DAPK1: variants seen among roughly 807,000 people sequenced by gnomAD.
The protein encoded by DAPK1 is death associated protein kinase 1.
In DAPK1, 56 loss-of-function variants were observed where a neutral mutation model predicts 144.9. The ratio of observed to expected loss-of-function variants is 0.39; its 90% CI spans 0.31 to 0.48. The LOEUF (loss-of-function observed/expected upper bound fraction) is 0.48, where lower values mean the gene tolerates loss of function less well. Among genes scored for constraint, DAPK1 ranks in the 20% least tolerant of loss-of-function variants. The pLI, the probability that DAPK1 is intolerant of heterozygous loss-of-function variation, is 0.95. For missense variants in DAPK1, 1,454 were observed against 1,875.4 expected (o/e 0.78, Z 4.15); for synonymous variants, 690 against 749.0 (o/e 0.92, Z 1.29).
intron 3 of DAPK1, among the ~76,000 whole-genome samples, chr9:87,618,470 A>T (rs989334121): frequency 1.3e-5 from 2 of 152,088 alleles, no homozygotes; most frequent in Non-Finnish European, 2.9e-5. Context: ...CCACATGAAA[A>T]CTTACACATG....
chr9:87,623,320 T>C (rs1829372166), intron 3 of DAPK1, among the ~76,000 whole-genome samples: 1 of 152,182 alleles, frequency 6.6e-6, no homozygotes, highest in East Asian at 1.9e-4. Context: ...ATCTTCCTTT[T>C]CCACACAGGC....
At chr9:87,645,238 C>A (rs1247269857) in intron 11 of DAPK1, among the ~76,000 whole-genome samples, 1 of 152,288 alleles carries the variant, frequency 6.6e-6, no homozygotes, top group Admixed American at 6.5e-5. Context: ...TTTTTGTTCA[C>A]TACTCTTCCA....
chr9:87,523,012 T>G (rs549975555), intron 2 of DAPK1, among the ~76,000 whole-genome samples: 3 of 152,232 alleles, frequency 2.0e-5, no homozygotes, highest in Non-Finnish European at 2.9e-5. Context: ...TTTGCACATC[T>G]TTTCTCTAGG....
chr9:87,600,385 T>G (rs1490607098), intron 2 of DAPK1, among the ~76,000 whole-genome samples: 1 of 152,096 alleles, frequency 6.6e-6, no homozygotes, highest in Non-Finnish European at 1.5e-5. Flanking sequence ...CCAGGAGTTC[T>G]AGACCAGCCT....
intron 2 of DAPK1, among the ~76,000 whole-genome samples, chr9:87,525,642 G>T (rs909900419): frequency 6.6e-6 from 1 of 152,230 alleles, no homozygotes; most frequent in South Asian, 2.1e-4. Flanking sequence ...TCTTTGGTCA[G>T]AGCAGCCCTG....
intron 2 of DAPK1, chr9:87,554,506 G>T (rs533410246): frequency 6.6e-6 from 1 of 151,942 alleles, no homozygotes; most frequent in Non-Finnish European, 1.5e-5. Context: ...TTTTACCTCC[G>T]GACATAACAG....
chr9:87,702,279 G>GT (rs1825481258), intron 24 of DAPK1, among the ~76,000 whole-genome samples: 1 of 152,284 alleles, frequency 6.6e-6, no homozygotes, highest in South Asian at 2.1e-4. Flanking sequence ...TAATTCAGAG[G>GT]TATGTGGATT....
chr9:87,602,100 G>A (rs1471111632), intron 2 of DAPK1, among the ~76,000 whole-genome samples: 1 of 152,174 alleles, frequency 6.6e-6, no homozygotes, highest in Non-Finnish European at 1.5e-5. Context: ...TCGACTCAGG[G>A]ATATGGCAGA....
chr9:87,550,526 A>G (rs1013113628), intron 2 of DAPK1, among the ~76,000 whole-genome samples: 1 of 152,190 alleles, frequency 6.6e-6, no homozygotes, highest in Admixed American at 6.5e-5. Context: ...CTGCTTTTCT[A>G]TGTCCAAATT....
intron 3 of DAPK1, among the ~76,000 whole-genome samples, chr9:87,619,707 G>A (rs779185523): frequency 3.7e-4 from 56 of 152,278 alleles, no homozygotes; most frequent in Non-Finnish European, 7.8e-4. Context: ...CTCAATAGAA[G>A]GACAGTCGAT....
intron 21 of DAPK1, among the ~76,000 whole-genome samples, chr9:87,687,362 C>T (rs1286089189): frequency 6.6e-6 from 1 of 152,112 alleles, no homozygotes; most frequent in East Asian, 1.9e-4. Flanking sequence ...TTTTTAGCTC[C>T]CACATGTGAA....
intron 3 of DAPK1, among the ~76,000 whole-genome samples, chr9:87,617,518 T>A (rs1021276605): frequency 1.3e-5 from 2 of 152,206 alleles, no homozygotes; most frequent in African/African-American, 4.8e-5. Flanking sequence ...CAATCCATAC[T>A]CACTCCCTTC....
chr9:87,693,692 T>G (rs900995143), intron 21 of DAPK1, among the ~76,000 whole-genome samples: 1 of 152,238 alleles, frequency 6.6e-6, no homozygotes, highest in African/African-American at 2.4e-5. Flanking sequence ...GTCACTTCTT[T>G]GAACTTTTTG....
chr9:87,705,189 C>T (rs2118111544), intron 25 of DAPK1, among the ~76,000 whole-genome samples: 1 of 150,844 alleles, frequency 6.6e-6, no homozygotes, highest in South Asian at 2.1e-4. Context: ...AGGATAGTAC[C>T]ATGAACTCTC....
rs372272513 is a variant in DAPK1, at chr9:87,549,170, T to C, written c.62+50031T>C. 4.0e-3 allele frequency among the ~76,000 whole-genome samples: 603 copies of C among 152,240 alleles called. 11 individuals are homozygous for C. Among genetic ancestry groups the C allele is most frequent in the African/African-American group, 0.014 (573 of 41,534 alleles). ...GTGTTCTCATCACTCAGCTCCCACT[T>C]ACAAGTGAGAACATGCAGTGTTTGG... On this transcript the variant is annotated intron_variant, in intron 2 of 25. Transcript: ENST00000408954.
intron 2 of DAPK1, among the ~76,000 whole-genome samples, chr9:87,585,355 G>T (rs1827910736): frequency 6.6e-6 from 1 of 152,188 alleles, no homozygotes; most frequent in Admixed American, 6.5e-5. Flanking sequence ...AAACAGGGCT[G>T]AATGGAGACT....
intron 19 of DAPK1, 97 bp downstream of exon 19, chr9:87,668,771 C>G (rs1831150467): frequency 1.2e-6 from 1 of 815,004 alleles, no homozygotes; most frequent in Non-Finnish European, 2.2e-6. Context: ...AAATGAGGCT[C>G]TAGACAGCCA....
At chr9:87,498,404 C>A in intron 1 of DAPK1, 1 of 330,534 alleles carries the variant, frequency 3.0e-6, no homozygotes, top group Non-Finnish European at 5.4e-6. Flanking sequence ...CTTGCTCCCC[C>A]GGGCGGCCGC....
At position 87,539,694 on chromosome 9, in the gene DAPK1, A is replaced by G. The variant is rs957732372; in HGVS notation, c.62+40555A>G. 4.6e-5 allele frequency among the ~76,000 whole-genome samples: 7 copies of G among 152,182 alleles called. No individual in the cohort carries two copies. In the South Asian group the frequency reaches 1.5e-3, roughly 32 times the overall value. On this transcript the variant is annotated intron_variant, in intron 2 of 25. Transcript: ENST00000408954. ...CGGTCTCCCAAAGTGCTGAGATTAC[A>G]GGCATAAGCCACTGGGCCCAGCCAA...
Sources: gnomAD v4.1 joint callset for allele counts (sites outside exome capture counted in the v4.1 genomes callset) on GRCh38, gnomAD v4.1.1 for gene constraint, MANE v1.5 for transcripts, NCBI Gene and HGNC (gene_info 2026-07-23, HGNC 2026-07-21) for gene names.